MFAP1: variants seen among roughly 807,000 people sequenced by gnomAD.
MFAP1 encodes the protein microfibril associated protein 1, also known as microfibrillar-associated protein 1.
MFAP1 carries 18 observed loss-of-function variants against 62.2 expected under a neutral mutation model. The ratio of observed to expected loss-of-function variants is 0.29; its 90% confidence interval spans 0.20 to 0.43. The LOEUF is 0.43. MFAP1 is among the 20% of genes least tolerant of loss of function. MFAP1 has a pLI of 1.00. For synonymous variants in MFAP1, 175 were observed against 180.4 expected, an observed-to-expected ratio of 0.97 and a Z score of 0.24; for missense variants, 355 against 559.7, an observed-to-expected ratio of 0.63 and a Z score of 3.69.
chr15:43,823,526 A>C (rs1381888509), intron 1 of MFAP1, among the ~76,000 whole-genome samples: 1 of 151,602 alleles, frequency 6.6e-6, no homozygotes, highest in Non-Finnish European at 1.5e-5. Flanking sequence ...ACAGGTACCC[A>C]CCACCATGCA....
intron 5 of MFAP1, 48 bp from the exon 6 acceptor site, chr15:43,813,195 C>G: frequency 1.9e-6 from 3 of 1,614,098 alleles, no homozygotes; most frequent in Non-Finnish European, 2.5e-6. Context: ...TCTCCTCAGA[C>G]AAACCTGATT....
intron 1 of MFAP1, 83 bp from the exon 2 acceptor site, chr15:43,817,531 T>C: frequency 7.5e-7 from 1 of 1,340,330 alleles, no homozygotes; most frequent in East Asian, 2.3e-5. Flanking sequence ...AATAGAGCCC[T>C]TTATTCATAG....
chr15:43,817,380 T>C lies in MFAP1; in HGVS notation c.148A>G (p.Met50Val). 2 of 1,614,164 alleles carry C rather than the reference T, an allele frequency of 1.2e-6. No homozygotes were observed. The highest frequency in any genetic ancestry group is 1.1e-5 in the South Asian group (1 of 91,084). The change falls in exon 2 of 9, where the codon ATG becomes GTG. Residue 50 changes from methionine to valine, a missense_variant. Met to Val is a conservative substitution (Grantham distance 21, BLOSUM62 1). Coordinates refer to ENST00000267812, the MANE Select transcript of MFAP1 (RefSeq NM_005926.3). ...TCATCCTCCTCATCTGAGGACTCCATAGGGGCATAGTCTGGCCTTTTTCCG... is the reference window on the plus strand; with the variant it reads ...TCATCCTCCTCATCTGAGGACTCCACAGGGGCATAGTCTGGCCTTTTTCCG... ...VSGKRPDYAP[M>V]ESSDEEDEEF...
chr15:43,821,255 T>C (rs896664549), intron 1 of MFAP1, among the ~76,000 whole-genome samples: 2 of 152,250 alleles, frequency 1.3e-5, no homozygotes, highest in African/African-American at 2.4e-5. Context: ...ATAAAAAAGA[T>C]GTAAATAGAG....
chr15:43,806,859 G>A lies in MFAP1; in HGVS notation c.1048-1394C>T, dbSNP rs759379830. 6.4e-4 allele frequency among the ~76,000 whole-genome samples: 97 copies of A among 151,064 alleles called. 1 individual carries two copies. Among genetic ancestry groups the A allele is most frequent in the South Asian group, 6.3e-4 (3 of 4,748 alleles). On this transcript the variant is annotated intron_variant, in intron 7 of 8. Transcript: ENST00000267812. ...TGCACTCCAGCCTGGGTGACAGAGC[G>A]AGATTCCATCTCAAAAATAAATAAA...
chr15:43,810,428 G>T (rs933239094), intron 6 of MFAP1, among the ~76,000 whole-genome samples: 1 of 145,608 alleles, frequency 6.9e-6, no homozygotes, highest in African/African-American at 2.5e-5. Flanking sequence ...GTGCAGTGGT[G>T]TGATCTTGGC....
chr15:43,814,470 T>C (rs1257289956), intron 4 of MFAP1, 31 bp downstream of exon 4: 2 of 1,563,698 alleles, frequency 1.3e-6, no homozygotes, highest in Non-Finnish European at 1.7e-6. Context: ...GGTAATTAAG[T>C]GGATTCAGAT....
intron 1 of MFAP1, among the ~76,000 whole-genome samples, chr15:43,824,173 CAT>C (rs954048414): frequency 1.3e-5 from 2 of 150,748 alleles, no homozygotes; most frequent in African/African-American, 2.4e-5. Flanking sequence ...TATATTCTAG[CAT>C]ATATATATTA....
At chr15:43,814,823 A>T in intron 3 of MFAP1, 122 bp downstream of exon 3, 1 of 1,494,866 alleles carries the variant, frequency 6.7e-7, no homozygotes, top group South Asian at 1.3e-5. Context: ...CCCACAAACA[A>T]GGAACATGAT....
At chr15:43,823,386 T>C (rs1460414863) in intron 1 of MFAP1, among the ~76,000 whole-genome samples, 1 of 151,914 alleles carries the variant, frequency 6.6e-6, no homozygotes, top group East Asian at 1.9e-4. Flanking sequence ...ACTTTCTTTT[T>C]TTTTTTTTGA....
chr15:43,812,261 G>A (rs2087406626), intron 6 of MFAP1, among the ~76,000 whole-genome samples: 1 of 151,618 alleles, frequency 6.6e-6, no homozygotes. Flanking sequence ...TCCCCTCACA[G>A]TATGTATGCC....
intron 1 of MFAP1, among the ~76,000 whole-genome samples, chr15:43,819,522 CTATT>C (rs765639399): frequency 2.0e-5 from 3 of 151,920 alleles, no homozygotes; most frequent in Admixed American, 6.6e-5. Flanking sequence ...TAGAAACATT[CTATT>C]TATTTATTTA....
chr15:43,804,895 G>A lies in MFAP1; in HGVS notation c.*199C>T. 8.0e-6 allele frequency: 4 copies of A among 501,666 alleles called. No individual in the cohort carries two copies. The highest frequency in any genetic ancestry group is 4.4e-5 in the South Asian group (1 of 22,536). The allele number at this position is 501,666 out of a possible 1,614,324, so 31.1% of individuals were successfully genotyped here. A position where few individuals can be genotyped will look rare whatever the true frequency, so the allele number is the denominator to read the frequency against. ...GGAAGCCTCTAATCCTACCTGGACA[G>A]TGCTTTCCTGTGGGTTTCTCAGCAT... is the stretch of plus-strand genomic sequence containing the variant. On this transcript the variant is annotated 3_prime_UTR_variant, in exon 9 of 9. Transcript: ENST00000267812.
intron 4 of MFAP1, among the ~76,000 whole-genome samples, chr15:43,813,880 C>T (rs2087418568): frequency 6.6e-6 from 1 of 152,112 alleles, no homozygotes; most frequent in South Asian, 2.1e-4. Flanking sequence ...AAAGAACCTG[C>T]TGGCCTCTAA....
At chr15:43,821,153 C>T (rs1020902001) in intron 1 of MFAP1, among the ~76,000 whole-genome samples, 4 of 152,038 alleles carry the variant, frequency 2.6e-5, no homozygotes, top group East Asian at 1.9e-4. Context: ...ATACCATTAA[C>T]GGTCACAAGT....
chr15:43,807,040 C>A (rs1257501764), intron 7 of MFAP1, among the ~76,000 whole-genome samples: 1 of 151,734 alleles, frequency 6.6e-6, no homozygotes, highest in African/African-American at 2.4e-5. Context: ...GTCTTCCCAG[C>A]ACCGAATGTC....
At chr15:43,814,787 A>T in intron 3 of MFAP1, 99 bp from the exon 4 acceptor site, 1 of 1,490,030 alleles carries the variant, frequency 6.7e-7, no homozygotes, top group Non-Finnish European at 9.1e-7. Context: ...GATACAACTT[A>T]GTATCATTCT....
Position 43,810,894 on chromosome 15 carries a change from T to G in MFAP1, c.888-980A>C, listed in dbSNP as rs190946387. On this transcript the variant is annotated intron_variant, in intron 6 of 8. Coordinates refer to ENST00000267812, the MANE Select transcript of MFAP1 (RefSeq NM_005926.3). ...GCTTCAGCCTCCTGAGTAGCTGGGA[T>G]TACAGGTGTGTGCCACCATGCCCGA... 1.1e-3 allele frequency among the ~76,000 whole-genome samples: 170 copies of G among 151,698 alleles called. 1 individual carries two copies. Among genetic ancestry groups the G allele is most frequent in the African/African-American group, 4.0e-3 (164 of 41,400 alleles).
chr15:43,806,703 T>A (rs1331991746), intron 7 of MFAP1, among the ~76,000 whole-genome samples: 1 of 151,828 alleles, frequency 6.6e-6, no homozygotes, highest in Admixed American at 6.6e-5. Flanking sequence ...TGAAACTCTG[T>A]CTCTACTAAA....
Sources: gnomAD v4.1 joint callset for allele counts (sites outside exome capture counted in the v4.1 genomes callset) on GRCh38, gnomAD v4.1.1 for gene constraint, MANE v1.5 for transcripts, NCBI Gene and HGNC (gene_info 2026-07-23, HGNC 2026-07-21) for gene names.